SEMA3D: variants seen among roughly 807,000 people sequenced by gnomAD.
SEMA3D encodes semaphorin 3D, also known as semaphorin-3D.
A neutral mutation model predicts 100.1 loss-of-function variants in SEMA3D; 84 were observed. The ratio of observed to expected loss-of-function variants is 0.84; its 90% confidence interval spans 0.70 to 1.01. The LOEUF is 1.01. Ranked by LOEUF, SEMA3D falls within the 50% of genes least tolerant of loss-of-function variation. SEMA3D has a pLI of 0.00. For synonymous variants in SEMA3D, 312 were observed against 320.7 expected, an observed-to-expected ratio of 0.97 and a Z score of 0.29; for missense variants, 875 against 934.1, an observed-to-expected ratio of 0.94 and a Z score of 0.82.
Position 84,999,815 on chromosome 7 carries a change from T to G in SEMA3D, c.1959A>C (p.Arg653=), listed in dbSNP as rs575319299. ...TCCCAGAATCCTTCTTCTGCAAACT[T>G]CGAATCAGTAGCCCATATTCCGTTT... ...IIKTEYGLLI[R]SLQKKDSGMY... is the part of the protein sequence containing the mutation. Residue 653 remains arginine (R), a synonymous_variant, in exon 19 of 19, where the codon CGA becomes CGC. Transcript: ENST00000284136. 10 of 1,614,038 alleles carry G rather than the reference T, an allele frequency of 6.2e-6. No individual in the cohort carries two copies. In the South Asian group the frequency reaches 1.1e-4, roughly 18 times the overall value.
chr7:85,099,859 T>C (rs1393621158), intron 3 of SEMA3D, among the ~76,000 whole-genome samples: 1 of 151,956 alleles, frequency 6.6e-6, no homozygotes, highest in East Asian at 1.9e-4. Flanking sequence ...CTTTTGTCCA[T>C]TTTTAAAAAT....
chr7:85,022,797 T>A (rs1171021437), intron 12 of SEMA3D, among the ~76,000 whole-genome samples, 184 bp from the exon 13 acceptor site: 2 of 151,910 alleles, frequency 1.3e-5, no homozygotes, highest in Admixed American at 1.3e-4. Context: ...TAAACCCAGT[T>A]TTCTCCTTCA....
At chr7:85,179,211 G>C (rs1791326727) in intron 1 of SEMA3D, among the ~76,000 whole-genome samples, 1 of 152,114 alleles carries the variant, frequency 6.6e-6, no homozygotes, top group African/African-American at 2.4e-5. Flanking sequence ...TAGGGGCACT[G>C]CATAGTGGAG....
chr7:85,201,454 C>A, the SEMA3D span, among the ~76,000 whole-genome samples: 5 of 152,264 alleles, frequency 3.3e-5, no homozygotes, highest in African/African-American at 1.2e-4. Context: ...TACTCAATCT[C>A]CTTTTTAATC....
the SEMA3D span, among the ~76,000 whole-genome samples, chr7:85,216,390 A>T: frequency 5.3e-5 from 7 of 133,106 alleles, no homozygotes; most frequent in Non-Finnish European, 8.2e-5. Context: ...TGTGTGTGTG[A>T]AAAAATCATT....
intron 12 of SEMA3D, among the ~76,000 whole-genome samples, chr7:85,025,576 T>G (rs913815215): frequency 6.6e-6 from 1 of 152,040 alleles, no homozygotes; most frequent in Non-Finnish European, 1.5e-5. Flanking sequence ...TCAAAGGTTT[T>G]TTCTCCCCGC....
chr7:85,238,515 T>G, the SEMA3D span, among the ~76,000 whole-genome samples: 1 of 152,190 alleles, frequency 6.6e-6, no homozygotes, highest in Non-Finnish European at 1.5e-5. Context: ...GCTACAATTA[T>G]TGTGTCAATT....
At position 85,181,783 on chromosome 7, in the gene SEMA3D, T is replaced by A. The variant is rs556620377; in HGVS notation, c.-173+4895A>T. 5.1e-6 allele frequency: 5 copies of A among 981,926 alleles called. No homozygotes were observed. In the African/African-American group the frequency reaches 8.7e-5, roughly 17 times the overall value. 60.8% of individuals were successfully genotyped at this position (981,926 alleles called of 1,614,324 possible). ...ACTGAATAAACTGACCAGTGAAAGA[T>A]TAGCATGCTAGTTAAAGATGACCTG... On this transcript the variant is annotated intron_variant, in intron 1 of 18. Coordinates refer to ENST00000284136, the MANE Select transcript of SEMA3D (RefSeq NM_001384900.1).
At chr7:85,250,044 T>C in the SEMA3D span, among the ~76,000 whole-genome samples, 1 of 152,070 alleles carries the variant, frequency 6.6e-6, no homozygotes, top group Non-Finnish European at 1.5e-5. Context: ...GGCGAGGCAT[T>C]GCCTCACTTG....
chr7:85,022,585 A>G lies in SEMA3D; in HGVS notation c.1220T>C (p.Ile407Thr). 3 of 1,612,196 alleles carry G rather than the reference A, an allele frequency of 1.9e-6. No individual in the cohort carries two copies. Among genetic ancestry groups the G allele is most frequent in the Non-Finnish European group, 2.5e-6 (3 of 1,178,672 alleles). ...TCPSKTYDPLIKSTRDFPDDV... is the reference protein window; with the variant it reads ...TCPSKTYDPLTKSTRDFPDDV... ...ATCTGGAAAATCTCGGGTGGACTTA[A>G]TCAGTGGGTCATAGGTTTTGCTTGG... is the stretch of plus-strand genomic sequence containing the variant. Residue 407 changes from isoleucine to threonine, a missense_variant, in exon 13 of 19, where the codon ATT (isoleucine) becomes ACT (threonine). Physicochemically the swap from Ile to Thr is moderately conservative, Grantham distance 89. Coordinates refer to ENST00000284136, the MANE Select transcript of SEMA3D (RefSeq NM_001384900.1).
At chr7:85,141,647 A>G in intron 2 of SEMA3D, 1 of 984,174 alleles carries the variant, frequency 1.0e-6, no homozygotes, top group Non-Finnish European at 1.2e-6. Context: ...ATCAGAGCAA[A>G]TCTAAATAAG....
intron 9 of SEMA3D, among the ~76,000 whole-genome samples, chr7:85,047,779 A>G (rs1027394683): frequency 4.6e-5 from 7 of 151,932 alleles, no homozygotes; most frequent in Non-Finnish European, 1.0e-4. Flanking sequence ...GACAAAGTTT[A>G]AGAACTTTAA....
intron 12 of SEMA3D, chr7:85,028,568 T>C (rs1224975199): frequency 3.4e-6 from 1 of 293,076 alleles, no homozygotes; most frequent in African/African-American, 2.3e-5. Flanking sequence ...TGGTGAGTTA[T>C]AGTGCACACA....
At chr7:85,223,750 T>C in the SEMA3D span, among the ~76,000 whole-genome samples, 1 of 151,862 alleles carries the variant, frequency 6.6e-6, no homozygotes, top group African/African-American at 2.4e-5. Context: ...ACAATGAACT[T>C]TGGGGACTCT....
At chr7:85,245,805 G>C in the SEMA3D span, among the ~76,000 whole-genome samples, 1 of 151,900 alleles carries the variant, frequency 6.6e-6, no homozygotes, top group Non-Finnish European at 1.5e-5. Context: ...TTCTCTATTA[G>C]AGTTACAATT....
In SEMA3D at chr7:85,116,957, C is replaced by T. The variant is rs190322769; in HGVS notation, c.151+4784G>A. Among the ~76,000 whole-genome samples, 1,187 of 152,222 alleles carry T rather than the reference C, an allele frequency of 7.8e-3. 6 individuals are homozygous for T. Among genetic ancestry groups the T allele is most frequent in the Non-Finnish European group, 0.014 (934 of 68,010 alleles). On this transcript the variant is annotated intron_variant, in intron 3 of 18. Coordinates refer to ENST00000284136, the MANE Select transcript of SEMA3D (RefSeq NM_001384900.1). ...TTTTACAGTGATATACACAATACCT[C>T]CCATGCCACAGTTCCTTACATATGT...
chr7:85,138,896 G>T (rs1283469297), intron 2 of SEMA3D, among the ~76,000 whole-genome samples: 2 of 151,568 alleles, frequency 1.3e-5, no homozygotes, highest in Non-Finnish European at 2.9e-5. Context: ...TTTGGAGGTT[G>T]CTGGAAGATC....
chr7:85,147,660 T>A (rs1220404333), intron 2 of SEMA3D, among the ~76,000 whole-genome samples: 1 of 152,140 alleles, frequency 6.6e-6, no homozygotes, highest in South Asian at 2.1e-4. Flanking sequence ...AAGAATCAAT[T>A]TTTTCAAGTA....
chr7:85,123,760 T>A (rs1789493639), intron 2 of SEMA3D, among the ~76,000 whole-genome samples: 1 of 152,120 alleles, frequency 6.6e-6, no homozygotes. Context: ...ATTCTTTGTA[T>A]ATAATCTGTC....
Sources: allele counts gnomAD v4.1 joint callset (sites outside exome capture counted in the v4.1 genomes callset), GRCh38; gene constraint gnomAD v4.1.1; transcripts MANE v1.5; gene names NCBI Gene and HGNC (gene_info 2026-07-23, HGNC 2026-07-21).